The following DNAH14 variants were observed in gnomAD, a reference collection of about 807,000 sequenced individuals.
The protein encoded by DNAH14 is axonemal beta dynein heavy chain 14.
A neutral mutation model predicts 520.9 loss-of-function variants in DNAH14; 478 were observed. That is an observed-to-expected ratio of 0.92 (90% CI 0.85 to 0.99). The LOEUF is 0.99. DNAH14 is among the 50% of genes least tolerant of loss of function. The pLI, the probability that DNAH14 is intolerant of heterozygous loss-of-function variation, is 0.00. For missense variants in DNAH14, 4,831 were observed against 5,234.5 expected (o/e 0.92, Z 2.38); for synonymous variants, 1,581 against 1,757.2 (o/e 0.90, Z 2.51).
At chr1:225,089,176 G>C (rs1039133589) in intron 21 of DNAH14, among the ~76,000 whole-genome samples, 3 of 152,162 alleles carry the variant, frequency 2.0e-5, no homozygotes, top group African/African-American at 7.2e-5. Context: ...GGGTGCGACG[G>C]CTCATGCCTG....
intron 64 of DNAH14, among the ~76,000 whole-genome samples, chr1:225,328,579 T>G (rs1285135894): frequency 6.6e-6 from 1 of 152,182 alleles, no homozygotes; most frequent in Non-Finnish European, 1.5e-5. Flanking sequence ...CAGTTAAAAA[T>G]AGGTCTTTTA....
At chr1:224,951,887 C>T (rs893244307) in intron 1 of DNAH14, among the ~76,000 whole-genome samples, 51 of 152,126 alleles carry the variant, frequency 3.4e-4, no homozygotes, top group Non-Finnish European at 6.2e-4. Flanking sequence ...GATCCACCCG[C>T]CTTGGCTTCC....
chr1:225,281,747 A>T (rs2149922666), intron 54 of DNAH14, among the ~76,000 whole-genome samples: 1 of 152,320 alleles, frequency 6.6e-6, no homozygotes, highest in Non-Finnish European at 1.5e-5. Context: ...TATGTTGAAG[A>T]AAACTGTCTA....
At chr1:225,040,361 A>T (rs757181248) in intron 12 of DNAH14, among the ~76,000 whole-genome samples, 10 of 152,378 alleles carry the variant, frequency 6.6e-5, no homozygotes, top group Non-Finnish European at 1.0e-4. Flanking sequence ...AAATATATGC[A>T]TCGAAATATT....
At chr1:225,209,360 G>A (rs2088023846) in intron 41 of DNAH14, among the ~76,000 whole-genome samples, 1 of 152,020 alleles carries the variant, frequency 6.6e-6, no homozygotes, top group Non-Finnish European at 1.5e-5. Flanking sequence ...AATTTTCCAT[G>A]CTCCTGTACC....
chr1:225,016,203 T>C (rs950518833), intron 10 of DNAH14, among the ~76,000 whole-genome samples: 1 of 152,234 alleles, frequency 6.6e-6, no homozygotes, highest in South Asian at 2.1e-4. Flanking sequence ...CCATGTTCAA[T>C]TGAGTTCAGA....
chr1:225,325,870 T>C (rs1265521644), intron 64 of DNAH14, among the ~76,000 whole-genome samples: 3 of 152,214 alleles, frequency 2.0e-5, no homozygotes, highest in African/African-American at 7.2e-5. Flanking sequence ...CGTTCCCACT[T>C]GGCTGTAGGC....
chr1:225,002,205 TCTA>T (rs1254645678), intron 8 of DNAH14, among the ~76,000 whole-genome samples: 1 of 152,154 alleles, frequency 6.6e-6, no homozygotes, highest in Non-Finnish European at 1.5e-5. Flanking sequence ...CCTCATCTCT[TCTA>T]CTCTGCCCTT....
chr1:225,237,010 C>A lies in DNAH14; in HGVS notation c.6519-3583C>A, dbSNP rs367671914. On this transcript the variant is annotated intron_variant, in intron 42 of 85. Transcript: ENST00000682510. ...TTTTGTCAGAAACTAGGATTGCTAC[C>A]CCACTTTTTTTGTTTGTTTGTTTTC... Among the ~76,000 whole-genome samples, 4 of 151,850 alleles carry A rather than the reference C, an allele frequency of 2.6e-5. No individual in the cohort carries two copies. In the East Asian group the frequency reaches 5.8e-4, roughly 22 times the overall value.
At chr1:225,272,131 T>G in intron 51 of DNAH14, 58 bp downstream of exon 51, 1 of 1,443,712 alleles carries the variant, frequency 6.9e-7, no homozygotes, top group South Asian at 1.3e-5. Flanking sequence ...CTCTCTCTCA[T>G]ACTGTCAACA....
intron 20 of DNAH14, among the ~76,000 whole-genome samples, chr1:225,083,658 A>C (rs571893259): frequency 6.6e-6 from 1 of 152,258 alleles, no homozygotes; most frequent in East Asian, 1.9e-4. Flanking sequence ...TTACACTAAA[A>C]ATCATGAAAT....
At chr1:225,230,526 G>T (rs1185896333) in intron 41 of DNAH14, among the ~76,000 whole-genome samples, 1 of 151,898 alleles carries the variant, frequency 6.6e-6, no homozygotes, top group African/African-American at 2.4e-5. Context: ...TAAGCTACAA[G>T]GAAGAATGAA....
rs927863990 is a variant in DNAH14, at chr1:225,229,417, G to T, written c.6440-1656G>T. Among the ~76,000 whole-genome samples, 5 of 151,914 alleles carry T rather than the reference G, an allele frequency of 3.3e-5. No homozygotes were observed. The East Asian group carries it at 9.6e-4, about 29-fold the overall frequency. The stretch of plus-strand genomic sequence containing the variant: ...ATTTGACTCAACAATCCCATTACTG[G>T]GTATATACCCAAAGGATTATAAATC... On this transcript the variant is annotated intron_variant, in intron 41 of 85. Transcript: ENST00000682510.
intron 17 of DNAH14, among the ~76,000 whole-genome samples, chr1:225,072,634 T>C (rs944891689): frequency 5.9e-5 from 9 of 152,380 alleles, no homozygotes; most frequent in South Asian, 4.1e-4. Context: ...TTTAGCATTC[T>C]AGAACCATCA....
chr1:225,336,784 T>C (rs2095064935), intron 66 of DNAH14, among the ~76,000 whole-genome samples: 1 of 152,204 alleles, frequency 6.6e-6, no homozygotes, highest in Non-Finnish European at 1.5e-5. Context: ...GTATCTAACG[T>C]CTTTTAGCCT....
intron 43 of DNAH14, 65 bp from the exon 44 acceptor site, chr1:225,252,236 A>T: frequency 2.4e-6 from 2 of 845,604 alleles, no homozygotes; most frequent in Non-Finnish European, 3.9e-6. Context: ...GAGAGTTTAC[A>T]TGGTTAGTGA....
At chr1:224,983,060 C>T (rs1237469415) in intron 8 of DNAH14, among the ~76,000 whole-genome samples, 1 of 151,966 alleles carries the variant, frequency 6.6e-6, no homozygotes, top group Non-Finnish European at 1.5e-5. Flanking sequence ...TATTGAAGTC[C>T]CCCACTATTA....
chr1:224,973,995 A>G (rs1443307008), intron 7 of DNAH14, 96 bp from the exon 8 acceptor site: 53 of 717,056 alleles, frequency 7.4e-5, no homozygotes, highest in Middle Eastern at 4.3e-4. Context: ...AATATGTTCT[A>G]GAGAATATTC....
At chr1:225,059,575 T>G (rs2069692895) in intron 17 of DNAH14, among the ~76,000 whole-genome samples, 1 of 152,288 alleles carries the variant, frequency 6.6e-6, no homozygotes, top group Non-Finnish European at 1.5e-5. Context: ...TATTATGATG[T>G]TAGCTGGTTA....
Sources: gnomAD v4.1 joint callset for allele counts (sites outside exome capture counted in the v4.1 genomes callset) on GRCh38, gnomAD v4.1.1 for gene constraint, MANE v1.5 for transcripts, NCBI Gene and HGNC (gene_info 2026-07-23, HGNC 2026-07-21) for gene names.